Variants in DIXDC1 observed in about 807,000 individuals in gnomAD.
The protein encoded by DIXDC1 is dixin.
A neutral mutation model predicts 103.1 loss-of-function variants in DIXDC1; 64 were observed. The ratio of observed to expected loss-of-function variants is 0.62; its 90% confidence interval spans 0.51 to 0.76. The LOEUF is 0.76. DIXDC1 is among the 30% of genes least tolerant of loss of function. The probability of loss-of-function intolerance (pLI) is 0.00; values close to 1 mark genes in which losing one functional copy is unlikely to be tolerated. For synonymous variants in DIXDC1, 266 were observed against 298.5 expected (o/e 0.89, Z 1.12); for missense variants, 759 against 834.2 (o/e 0.91, Z 1.11).
intron 1 of DIXDC1, among the ~76,000 whole-genome samples, chr11:111,928,937 A>G (rs1965925767): frequency 6.6e-6 from 1 of 152,116 alleles, no homozygotes; most frequent in African/African-American, 2.4e-5. Context: ...CACGCCTGTA[A>G]TCCTAGCACT....
chr11:111,984,632 T>C (rs1422625132), intron 7 of DIXDC1, among the ~76,000 whole-genome samples: 1 of 152,196 alleles, frequency 6.6e-6, no homozygotes, highest in African/African-American at 2.4e-5. Flanking sequence ...CTTAGCTTCA[T>C]GGTAAATCTG....
chr11:111,986,917 A>C lies in DIXDC1; in HGVS notation c.1055A>C (p.Asp352Ala), dbSNP rs185411001. ...GATCAGAGTATGGAGGAGAATCAGG[A>C]CTTAAAGGTATGTCAAGACATGTAC... ...RLDQSMEENQ[D>A]LKKELLKCKQ... The change falls in exon 9 of 20, where the codon GAC becomes GCC. Residue 352 changes from aspartate to alanine, a missense_variant. By Grantham distance (126) the Asp-to-Ala change is moderately radical (BLOSUM62 -2). This residue lies in a region of DIXDC1 where 657 missense variants were observed against 727.5 expected (regional missense o/e 0.90). Coordinates refer to ENST00000440460, the MANE Select transcript of DIXDC1 (RefSeq NM_001037954.4). 283 of 1,576,738 alleles carry C rather than the reference A, an allele frequency of 1.8e-4. 2 individuals carry two copies. The highest frequency in any genetic ancestry group is 7.4e-5 in the Admixed American group (4 of 54,378).
chr11:111,960,391 C>T (rs587676610), intron 1 of DIXDC1, among the ~76,000 whole-genome samples: 31 of 150,714 alleles, frequency 2.1e-4, no homozygotes, highest in African/African-American at 5.6e-4. Context: ...GTCAGGAGTT[C>T]GAGACCAGCC....
chr11:111,993,134 A>G, intron 12 of DIXDC1, 130 bp downstream of exon 12: 1 of 1,060,586 alleles, frequency 9.4e-7, no homozygotes, highest in African/African-American at 1.6e-5. Context: ...TGCTTTTTAG[A>G]AGGAAGCATT....
At chr11:111,969,710 T>C (rs73560093) in intron 3 of DIXDC1, among the ~76,000 whole-genome samples, 3,761 of 152,216 alleles carry the variant, frequency 0.025, 165 homozygotes, top group African/African-American at 0.086. Flanking sequence ...CTCATGACAA[T>C]AGGGGCAGAA....
Position 111,996,135 on chromosome 11 carries a change from C to T in DIXDC1, c.1745C>T (p.Pro582Leu). 1 of 1,613,456 alleles carries T rather than the reference C, an allele frequency of 6.2e-7. No individual in the cohort carries two copies. The highest frequency in any genetic ancestry group is 8.5e-7 in the Non-Finnish European group (1 of 1,179,700). Reference sequence around the variant, plus strand: ...GGTAGTGAATACCGGGAGTCCTGGCCCCCTAACTCAAGTAAGTACCCATTT... The same window carrying T: ...GGTAGTGAATACCGGGAGTCCTGGCTCCCTAACTCAAGTAAGTACCCATTT... ...QVGSEYRESW[P>L]PNSKLPHSQS... Residue 582 changes from proline (P) to leucine (L), a missense_variant, in exon 17 of 20, where the codon CCC (proline) becomes CTC (leucine). Transcript: ENST00000440460.
chr11:111,999,751 G>A (rs1360498606), intron 17 of DIXDC1, among the ~76,000 whole-genome samples: 1 of 151,798 alleles, frequency 6.6e-6, no homozygotes, highest in Non-Finnish European at 1.5e-5. Context: ...TGTAATCCCA[G>A]CTACTTGGGA....
At position 111,943,888 on chromosome 11, in the gene DIXDC1, G is replaced by A. The variant is rs189686001; in HGVS notation, c.60+6329G>A. ...GGAAAGAAAAACTATGGGTAAGGGA[G>A]ACTTCTGTACAAAGAACCTGTCCAT... On this transcript the variant is annotated intron_variant, in intron 1 of 19. Transcript: ENST00000440460. Among the ~76,000 whole-genome samples the A allele has an allele frequency of 3.2e-3, 488 of 152,282 alleles. 1 individual carries two copies. Among genetic ancestry groups the A allele is most frequent in the Middle Eastern group, 0.024 (7 of 294 alleles).
At chr11:111,953,283 G>T (rs1226167141) in intron 1 of DIXDC1, among the ~76,000 whole-genome samples, 1 of 152,086 alleles carries the variant, frequency 6.6e-6, no homozygotes, top group Non-Finnish European at 1.5e-5. Context: ...CACTTTTTAT[G>T]TTTTTGAATA....
At chr11:112,005,776 C>A (rs1861216707) in intron 17 of DIXDC1, among the ~76,000 whole-genome samples, 1 of 152,124 alleles carries the variant, frequency 6.6e-6, no homozygotes, top group Admixed American at 6.6e-5. Flanking sequence ...AATCTAGTTA[C>A]AATTGGAGGC....
chr11:111,984,067 T>C (rs1860410786), intron 7 of DIXDC1, among the ~76,000 whole-genome samples: 1 of 152,184 alleles, frequency 6.6e-6, no homozygotes, highest in Non-Finnish European at 1.5e-5. Context: ...ACTGGTGAGA[T>C]AGCAAAATTC....
chr11:111,985,245 A>G lies in DIXDC1; in HGVS notation c.932A>G (p.Asn311Ser). The change falls in exon 8 of 20, where the codon AAT (asparagine) becomes AGT (serine). Residue 311 changes from asparagine (N) to serine (S), a missense_variant. Around this residue, in one of 3 missense-constraint regions of DIXDC1, gnomAD observed 657 missense variants for 727.5 expected, o/e 0.90. Transcript: ENST00000440460. ...MISGLQALLL[N>S]GSLPEDEQER... ...GTGGTTATTCAGGCCTTACTGCTCA[A>G]TGGATCCTTACCTGAAGATGAACAG... 1 of 1,613,594 alleles carries G rather than the reference A, an allele frequency of 6.2e-7. No individual in the cohort carries two copies. The highest frequency in any genetic ancestry group is 8.5e-7 in the Non-Finnish European group (1 of 1,179,732).
intron 8 of DIXDC1, among the ~76,000 whole-genome samples, chr11:111,985,743 A>T (rs1481024784): frequency 3.3e-5 from 5 of 151,918 alleles, no homozygotes; most frequent in Admixed American, 6.6e-5. Flanking sequence ...CTTGCTTCTC[A>T]TGTATTTATT....
chr11:111,977,607 T>C lies in DIXDC1; in HGVS notation c.656+2624T>C. 6.6e-7 allele frequency: 1 copy of C among 1,520,152 alleles called. No homozygotes were observed. The highest frequency in any genetic ancestry group is 8.8e-7 in the Non-Finnish European group (1 of 1,133,532). The allele number at this position is 1,520,152 out of a possible 1,614,324, so 94.2% of individuals were successfully genotyped here. A position where few individuals can be genotyped will look rare whatever the true frequency, so the allele number is the denominator to read the frequency against. Reference sequence around the variant, plus strand: ...GCCGCCGCCGCCGCCGTTCCCGCTTTCTCCCGCGAGCCGGGCCAGTAGCTT... The same window carrying C: ...GCCGCCGCCGCCGCCGTTCCCGCTTCCTCCCGCGAGCCGGGCCAGTAGCTT... On this transcript the variant is annotated intron_variant, in intron 5 of 19. Transcript: ENST00000440460. This position sits in a 1 kb window ranked among gnomAD's most constrained non-coding sequence, Gnocchi z 6.1.
At chr11:111,973,841 A>T (rs1860011923) in intron 3 of DIXDC1, among the ~76,000 whole-genome samples, 182 bp from the exon 4 acceptor site, 1 of 152,100 alleles carries the variant, frequency 6.6e-6, no homozygotes, top group Non-Finnish European at 1.5e-5. Context: ...ATCTTACTTT[A>T]TTGTCATTGC....
chr11:111,998,679 G>A lies in DIXDC1; in HGVS notation c.1756+2533G>A, dbSNP rs367616767. 5.9e-4 allele frequency among the ~76,000 whole-genome samples: 90 copies of A among 152,086 alleles called. 2 individuals are homozygous for A. The South Asian group carries it at 0.011, about 19-fold the overall frequency. On this transcript the variant is annotated intron_variant, in intron 17 of 19. Transcript: ENST00000440460. The surrounding 1 kb of genome is among the most constrained non-coding windows in gnomAD (Gnocchi z 4.1). ...CTGCCTCAGCCTCCTGATTACAGGC[G>A]CCCGCCACCACGCCCGGCTAATTTT...
chr11:111,931,515 C>T (rs1033095503), intron 2 of DIXDC1, among the ~76,000 whole-genome samples: 3 of 152,056 alleles, frequency 2.0e-5, no homozygotes, highest in Non-Finnish European at 2.9e-5. Flanking sequence ...TGGTGGCGGA[C>T]GCCTGTAATC....
At chr11:111,944,399 CAACTCTAGCAAAT>C (rs1283414433) in intron 1 of DIXDC1, among the ~76,000 whole-genome samples, 2 of 152,274 alleles carry the variant, frequency 1.3e-5, no homozygotes, top group African/African-American at 4.8e-5. Flanking sequence ...GGTGCTTTCG[CAACTCTAGCAAAT>C]AAGTCCCCTG....
intron 3 of DIXDC1, among the ~76,000 whole-genome samples, chr11:111,973,038 G>GA (rs782128470): frequency 0.038 from 4,889 of 129,196 alleles, 278 homozygotes; most frequent in African/African-American, 0.13. Flanking sequence ...CAGCCTGGGG[G>GA]AAAAAAAAAA....
Sources: allele counts gnomAD v4.1 joint callset (sites outside exome capture counted in the v4.1 genomes callset), GRCh38; gene constraint gnomAD v4.1.1; regional missense constraint gnomAD v4.1.1; non-coding constraint Gnocchi (gnomAD v3.1); transcripts MANE v1.5; gene names NCBI Gene and HGNC (gene_info 2026-07-23, HGNC 2026-07-21).